The following AGBL4 variants were observed in gnomAD, a reference collection of about 807,000 sequenced individuals.
The protein encoded by AGBL4 is cytosolic carboxypeptidase 6.
AGBL4 carries 58 observed loss-of-function variants against 66.4 expected under a neutral mutation model. That is an observed-to-expected ratio of 0.87 (90% CI 0.71 to 1.09). The LOEUF (loss-of-function observed/expected upper bound fraction) is 1.09. Among genes scored for constraint, AGBL4 ranks in the 50% least tolerant of loss-of-function variants. The pLI is 0.00. For synonymous variants in AGBL4, 234 were observed against 222.9 expected (o/e 1.05, Z -0.44); for missense variants, 579 against 631.0 (o/e 0.92, Z 0.88).
downstream of AGBL4, among the ~76,000 whole-genome samples, chr1:48,531,341 A>C (rs1643905503): frequency 6.6e-6 from 1 of 152,138 alleles, no homozygotes; most frequent in East Asian, 1.9e-4. Context: ...TGACATCCAG[A>C]AATGTAACAT....
In AGBL4 at chr1:49,531,251, G is replaced by T. The variant is rs1570961566; in HGVS notation, c.282+166062C>A. ...GAAGAGTGCACTGGGCTGTCTTTAA[G>T]TCTGGCTCATTTATTTTGTGGCACT... On this transcript the variant is annotated intron_variant, in intron 3 of 13. Coordinates refer to ENST00000371839, the MANE Select transcript of AGBL4 (RefSeq NM_032785.4). Among the ~76,000 whole-genome samples, 3 of 152,090 alleles carry T rather than the reference G, an allele frequency of 2.0e-5. No homozygotes were observed. The East Asian group carries it at 5.8e-4, about 29-fold the overall frequency.
At chr1:49,961,141 T>C (rs1175766874) in intron 1 of AGBL4, among the ~76,000 whole-genome samples, 2 of 152,212 alleles carry the variant, frequency 1.3e-5, no homozygotes, top group African/African-American at 2.4e-5. Flanking sequence ...GAAAGATCCA[T>C]GTAGTAGAAT....
intron 4 of AGBL4, among the ~76,000 whole-genome samples, chr1:49,210,376 A>G (rs1270640002): frequency 6.6e-6 from 1 of 152,146 alleles, no homozygotes; most frequent in Non-Finnish European, 1.5e-5. Context: ...CACTGTAGTC[A>G]GAAGTGTGGG....
At chr1:49,494,031 C>G (rs1237058608) in intron 3 of AGBL4, among the ~76,000 whole-genome samples, 2 of 151,916 alleles carry the variant, frequency 1.3e-5, no homozygotes, top group African/African-American at 4.8e-5. Flanking sequence ...CAGTCTAGCC[C>G]TGCTCCCTTC....
intron 4 of AGBL4, among the ~76,000 whole-genome samples, chr1:49,170,677 A>T (rs938343411): frequency 1.3e-5 from 2 of 149,128 alleles, no homozygotes; most frequent in Non-Finnish European, 3.0e-5. Flanking sequence ...AAATATGTGT[A>T]TATATATATA....
At chr1:49,595,762 A>G (rs914192125) in intron 3 of AGBL4, among the ~76,000 whole-genome samples, 5 of 151,868 alleles carry the variant, frequency 3.3e-5, no homozygotes, top group Non-Finnish European at 7.4e-5. Flanking sequence ...CAAGAATAAA[A>G]CCCAAAACAC....
At chr1:49,716,429 A>C (rs1648142491) in intron 2 of AGBL4, among the ~76,000 whole-genome samples, 2 of 152,088 alleles carry the variant, frequency 1.3e-5, no homozygotes, top group South Asian at 2.1e-4. Flanking sequence ...TGTGTTGGCT[A>C]TGCAGGCTCC....
At chr1:49,083,495 C>T (rs968246194) in intron 4 of AGBL4, among the ~76,000 whole-genome samples, 9 of 152,254 alleles carry the variant, frequency 5.9e-5, no homozygotes, top group African/African-American at 1.9e-4. Flanking sequence ...AGGGCTGAAG[C>T]TGAACCTTGG....
At chr1:48,947,258 T>G (rs1656596030) in intron 5 of AGBL4, among the ~76,000 whole-genome samples, 1 of 152,218 alleles carries the variant, frequency 6.6e-6, no homozygotes, top group South Asian at 2.1e-4. Context: ...CATTTTAAAA[T>G]AGCAAGCTAT....
At chr1:49,899,283 A>T (rs1277566773) in intron 1 of AGBL4, among the ~76,000 whole-genome samples, 2 of 152,088 alleles carry the variant, frequency 1.3e-5, no homozygotes, top group Non-Finnish European at 2.9e-5. Context: ...ATAAAAAAAA[A>T]ATTAAAATAA....
chr1:49,271,015 G>A (rs768845311), intron 3 of AGBL4, among the ~76,000 whole-genome samples: 15 of 152,214 alleles, frequency 9.9e-5, no homozygotes, highest in Non-Finnish European at 1.5e-4. Context: ...TATGGGATTC[G>A]CAATGAAGGC....
At chr1:49,179,897 T>A (rs573965700) in intron 4 of AGBL4, among the ~76,000 whole-genome samples, 1 of 152,102 alleles carries the variant, frequency 6.6e-6, no homozygotes, top group East Asian at 1.9e-4. Flanking sequence ...TCTTTATTTT[T>A]TTTATTTTTT....
At position 48,643,648 on chromosome 1, in the gene AGBL4, C is replaced by A. The variant is rs80121607; in HGVS notation, c.840-9044G>T. On this transcript the variant is annotated intron_variant, in intron 8 of 13. Transcript: ENST00000371839. ...TTCATGAGGTTGTTGGGAGGAACTC[C>A]CCATTGCTTTCAATCCCAATGGTAA... is the stretch of plus-strand genomic sequence containing the variant. 7.8e-3 allele frequency among the ~76,000 whole-genome samples: 1,195 copies of A among 152,338 alleles called. 11 individuals are homozygous for A. The highest frequency in any genetic ancestry group is 0.01 in the Admixed American group (158 of 15,308).
chr1:48,796,584 C>T (rs982358599), intron 6 of AGBL4, among the ~76,000 whole-genome samples: 4 of 152,172 alleles, frequency 2.6e-5, no homozygotes, highest in Non-Finnish European at 5.9e-5. Flanking sequence ...TCTAAATATA[C>T]ATAGTTGGGC....
intron 3 of AGBL4, among the ~76,000 whole-genome samples, chr1:49,459,206 G>T (rs947810137): frequency 1.3e-5 from 2 of 151,692 alleles, no homozygotes; most frequent in Admixed American, 1.3e-4. Context: ...ATGTCTGATA[G>T]AATTCAGCTG....
chr1:48,640,242 T>C (rs934204241), intron 8 of AGBL4, among the ~76,000 whole-genome samples: 3 of 152,206 alleles, frequency 2.0e-5, no homozygotes, highest in Non-Finnish European at 4.4e-5. Context: ...TAATACATAA[T>C]GTCTTTATTT....
intron 4 of AGBL4, among the ~76,000 whole-genome samples, chr1:49,223,521 T>C (rs1649660926): frequency 6.6e-6 from 1 of 152,212 alleles, no homozygotes; most frequent in Admixed American, 6.5e-5. Flanking sequence ...GTGTTTGAAA[T>C]GACTTCTTAC....
intron 6 of AGBL4, among the ~76,000 whole-genome samples, chr1:48,828,760 G>A (rs1646485503): frequency 6.6e-6 from 1 of 152,096 alleles, no homozygotes; most frequent in Non-Finnish European, 1.5e-5. Context: ...CTTAGCTCTA[G>A]TTATAACTCA....
chr1:49,169,456 T>C (rs1040374803), intron 4 of AGBL4, among the ~76,000 whole-genome samples: 1 of 152,222 alleles, frequency 6.6e-6, no homozygotes, highest in African/African-American at 2.4e-5. Context: ...AGATCATCCA[T>C]GTCATGTGGT....
Sources: allele counts gnomAD v4.1 joint callset (sites outside exome capture counted in the v4.1 genomes callset), GRCh38; gene constraint gnomAD v4.1.1; transcripts MANE v1.5; gene names NCBI Gene and HGNC (gene_info 2026-07-23, HGNC 2026-07-21).